Variants in PTPRD observed in about 807,000 individuals in gnomAD.
The protein encoded by PTPRD is protein tyrosine phosphatase receptor type D.
In PTPRD, 34 loss-of-function variants were observed where a neutral mutation model predicts 214.5. The ratio of observed to expected loss-of-function variants is 0.16; its 90% CI spans 0.12 to 0.21. The LOEUF is 0.21. Among genes scored for constraint, PTPRD ranks in the 10% least tolerant of loss-of-function variants. The pLI, the probability that PTPRD is intolerant of heterozygous loss-of-function variation, is 1.00. For missense variants in PTPRD, 2,545 were observed against 2,398.7 expected (o/e 1.06, Z -1.27); for synonymous variants, 1,128 against 845.7 (o/e 1.33, Z -5.79).
At chr9:9,854,100 C>T (rs781019525) in intron 5 of PTPRD, among the ~76,000 whole-genome samples, 1 of 152,140 alleles carries the variant, frequency 6.6e-6, no homozygotes, top group Non-Finnish European at 1.5e-5. Context: ...CTTACTCCTC[C>T]TATCTAATTG....
At chr9:8,747,391 C>T (rs1004948730) in intron 11 of PTPRD, among the ~76,000 whole-genome samples, 1 of 152,104 alleles carries the variant, frequency 6.6e-6, no homozygotes, top group African/African-American at 2.4e-5. Context: ...TCCGAGGAAA[C>T]ACCTATCAAA....
intron 3 of PTPRD, among the ~76,000 whole-genome samples, chr9:10,061,673 T>C (rs1019806058): frequency 6.6e-6 from 1 of 152,206 alleles, no homozygotes; most frequent in Admixed American, 6.5e-5. Flanking sequence ...GGCTGATTTA[T>C]CCAGCCAGAA....
At chr9:9,260,753 G>C (rs953951916) in intron 9 of PTPRD, among the ~76,000 whole-genome samples, 1 of 151,784 alleles carries the variant, frequency 6.6e-6, no homozygotes, top group Non-Finnish European at 1.5e-5. Context: ...GAAATAAAAT[G>C]GTAGACGACA....
intron 3 of PTPRD, among the ~76,000 whole-genome samples, chr9:10,287,942 C>G (rs2095413405): frequency 6.6e-6 from 1 of 151,816 alleles, no homozygotes; most frequent in Non-Finnish European, 1.5e-5. Context: ...TTTATTTCTC[C>G]TATACATATG....
intron 12 of PTPRD, among the ~76,000 whole-genome samples, chr9:8,644,922 T>A (rs1410686421): frequency 6.6e-6 from 1 of 152,196 alleles, no homozygotes; most frequent in African/African-American, 2.4e-5. Flanking sequence ...CCAACGGGCC[T>A]GAGCAAAACT....
At chr9:9,349,874 A>T (rs971635912) in intron 9 of PTPRD, among the ~76,000 whole-genome samples, 1 of 152,048 alleles carries the variant, frequency 6.6e-6, no homozygotes, top group African/African-American at 2.4e-5. Context: ...AGTCCATTGT[A>T]AAAAGCCATT....
intron 7 of PTPRD, among the ~76,000 whole-genome samples, chr9:9,625,655 T>A (rs1436554697): frequency 6.6e-6 from 1 of 152,116 alleles, no homozygotes; most frequent in Non-Finnish European, 1.5e-5. Context: ...TAGTCACCAT[T>A]TTGTATAACT....
At chr9:9,311,260 G>T (rs1436307307) in intron 9 of PTPRD, among the ~76,000 whole-genome samples, 1 of 152,096 alleles carries the variant, frequency 6.6e-6, no homozygotes, top group East Asian at 1.9e-4. Flanking sequence ...ACAAAACCAG[G>T]AAGTTGTTGA....
At chr9:9,768,000 C>G (rs2098720401) in intron 5 of PTPRD, among the ~76,000 whole-genome samples, 1 of 152,134 alleles carries the variant, frequency 6.6e-6, no homozygotes, top group African/African-American at 2.4e-5. Flanking sequence ...GCACAAAATA[C>G]AAGTGCATCC....
chr9:9,465,555 G>A (rs754361546), intron 8 of PTPRD, among the ~76,000 whole-genome samples: 16 of 152,076 alleles, frequency 1.1e-4, no homozygotes, highest in African/African-American at 1.4e-4. Context: ...ACAAATACCC[G>A]AAAGACAAAG....
At chr9:8,943,766 A>G (rs1317854650) in intron 11 of PTPRD, among the ~76,000 whole-genome samples, 1 of 151,686 alleles carries the variant, frequency 6.6e-6, no homozygotes, top group Non-Finnish European at 1.5e-5. Context: ...TAAATTGGTT[A>G]AAAACTTAAA....
intron 2 of PTPRD, among the ~76,000 whole-genome samples, chr9:10,435,764 G>A (rs2098713027): frequency 6.6e-6 from 1 of 151,642 alleles, no homozygotes; most frequent in Non-Finnish European, 1.5e-5. Context: ...ACACATTTTG[G>A]CTCTCAGCAA....
At chr9:10,547,991 G>C (rs73396252) in intron 2 of PTPRD, among the ~76,000 whole-genome samples, 14,923 of 152,030 alleles carry the variant, frequency 0.098, 928 homozygotes, top group African/African-American at 0.16. Context: ...TGATAATTCA[G>C]ATTAATCTGA....
At chr9:10,267,283 T>C (rs56289554) in intron 3 of PTPRD, among the ~76,000 whole-genome samples, 1 of 151,660 alleles carries the variant, frequency 6.6e-6, no homozygotes, top group Non-Finnish European at 1.5e-5. Flanking sequence ...TTGAATGATG[T>C]AAATAAAAAA....
Position 8,419,491 on chromosome 9 carries a change from C to T in PTPRD, c.4087-14831G>A, listed in dbSNP as rs190901304. Among the ~76,000 whole-genome samples the T allele has an allele frequency of 3.1e-3, 477 of 152,014 alleles. 5 individuals are homozygous for T. The highest frequency in any genetic ancestry group is 0.011 in the African/African-American group (464 of 41,474). On this transcript the variant is annotated intron_variant, in intron 35 of 45. Transcript: ENST00000381196. Reference sequence around the variant, plus strand: ...AAAGCCTAAACAATTTCATAAATAACAATATGGGTAAAGTAACAAACATAA... The same window carrying T: ...AAAGCCTAAACAATTTCATAAATAATAATATGGGTAAAGTAACAAACATAA...
At chr9:9,041,693 A>G (rs1275478187) in intron 10 of PTPRD, among the ~76,000 whole-genome samples, 1 of 152,158 alleles carries the variant, frequency 6.6e-6, no homozygotes, top group Admixed American at 6.6e-5. Flanking sequence ...GGAAAATTCT[A>G]CTCACAGAAA....
intron 11 of PTPRD, among the ~76,000 whole-genome samples, chr9:8,760,847 T>A (rs954772943): frequency 2.0e-5 from 3 of 152,172 alleles, no homozygotes; most frequent in Admixed American, 6.5e-5. Context: ...TAAATTGAGG[T>A]AGGAAATTGT....
At chr9:8,984,549 C>T (rs893236089) in intron 11 of PTPRD, among the ~76,000 whole-genome samples, 7 of 152,026 alleles carry the variant, frequency 4.6e-5, no homozygotes, top group South Asian at 2.1e-4. Context: ...TGGGATGAGA[C>T]GACTTCTAGA....
chr9:9,694,559 C>T (rs545037180), intron 7 of PTPRD, among the ~76,000 whole-genome samples: 8 of 151,906 alleles, frequency 5.3e-5, no homozygotes, highest in South Asian at 4.2e-4. Flanking sequence ...TTCAGGATTG[C>T]GAGTTCCAGG....
Sources: allele counts gnomAD v4.1 joint callset (sites outside exome capture counted in the v4.1 genomes callset), GRCh38; gene constraint gnomAD v4.1.1; transcripts MANE v1.5; gene names NCBI Gene and HGNC (gene_info 2026-07-23, HGNC 2026-07-21).